Variants in CNTN1 observed in about 807,000 individuals in gnomAD.
The protein encoded by CNTN1 is contactin 1.
In CNTN1, 38 loss-of-function variants were observed where a neutral mutation model predicts 126.4. The ratio of observed to expected loss-of-function variants is 0.30; its 90% confidence interval spans 0.23 to 0.39. CNTN1 has a LOEUF of 0.39. CNTN1 is among the 10% of genes least tolerant of loss of function. The pLI, the probability that CNTN1 is intolerant of heterozygous loss-of-function variation, is 1.00. For synonymous variants in CNTN1, 413 were observed against 422.6 expected (o/e 0.98, Z 0.28); for missense variants, 1,009 against 1,248.4 (o/e 0.81, Z 2.89).
chr12:40,698,228 A>ATTTTTTTTTTTTTTTTTTT (rs35570862), intron 1 of CNTN1, among the ~76,000 whole-genome samples: 3 of 69,866 alleles, frequency 4.3e-5, no homozygotes, highest in African/African-American at 1.7e-4. Context: ...CAGCCACTTA[A>ATTTTTTTTTTTTTTTTTTT]TTTTTTTTTT....
intron 1 of CNTN1, among the ~76,000 whole-genome samples, chr12:40,822,543 C>T (rs187961829): frequency 6.6e-6 from 1 of 152,142 alleles, no homozygotes; most frequent in African/African-American, 2.4e-5. Context: ...TATGTTGATA[C>T]TTGTAGCTCT....
At chr12:40,873,969 G>A (rs868646337) in intron 1 of CNTN1, among the ~76,000 whole-genome samples, 7 of 152,182 alleles carry the variant, frequency 4.6e-5, no homozygotes, top group South Asian at 2.1e-4. Context: ...GGAGCACAGG[G>A]AGCTGACCTT....
intron 1 of CNTN1, among the ~76,000 whole-genome samples, chr12:40,763,975 G>A (rs1031165759): frequency 6.6e-6 from 1 of 152,242 alleles, no homozygotes; most frequent in East Asian, 1.9e-4. Context: ...TGTAGGAGAT[G>A]GGGGCGGAAA....
At chr12:40,875,372 C>G (rs1302409382) in intron 1 of CNTN1, among the ~76,000 whole-genome samples, 1 of 152,036 alleles carries the variant, frequency 6.6e-6, no homozygotes. Context: ...ATGATCCCTC[C>G]TGTTGCCCAT....
chr12:41,050,068 T>G (rs1311087395), intron 23 of CNTN1, among the ~76,000 whole-genome samples: 1 of 152,062 alleles, frequency 6.6e-6, no homozygotes, highest in Admixed American at 6.6e-5. Context: ...CCCAGCTAAT[T>G]TTTGTACTTT....
intron 15 of CNTN1, among the ~76,000 whole-genome samples, chr12:40,960,125 G>A (rs1474940089): frequency 6.6e-6 from 1 of 151,756 alleles, no homozygotes; most frequent in Non-Finnish European, 1.5e-5. Context: ...TATGAGCTCC[G>A]ATCTTCTGAA....
chr12:41,000,418 G>A (rs1948327056), intron 17 of CNTN1, among the ~76,000 whole-genome samples: 1 of 152,052 alleles, frequency 6.6e-6, no homozygotes, highest in South Asian at 2.1e-4. Flanking sequence ...CAGAATATGA[G>A]TTATAGGGGT....
intron 23 of CNTN1, among the ~76,000 whole-genome samples, chr12:41,061,121 C>T (rs544046761): frequency 6.6e-6 from 1 of 152,276 alleles, no homozygotes; most frequent in East Asian, 1.9e-4. Context: ...GTAAATGTCA[C>T]CTTGCATTTC....
At chr12:40,767,543 C>T (rs1466521282) in intron 1 of CNTN1, among the ~76,000 whole-genome samples, 1 of 151,970 alleles carries the variant, frequency 6.6e-6, no homozygotes, top group Non-Finnish European at 1.5e-5. Context: ...CTCCTGACCT[C>T]TTGATCCGCC....
intron 1 of CNTN1, among the ~76,000 whole-genome samples, chr12:40,797,333 A>G (rs2136476969): frequency 6.6e-6 from 1 of 152,208 alleles, no homozygotes; most frequent in East Asian, 1.9e-4. Context: ...ATGATCTGGG[A>G]GTTTTTCAGA....
intron 1 of CNTN1, among the ~76,000 whole-genome samples, chr12:40,868,553 C>T (rs1565858929): frequency 6.6e-6 from 1 of 152,118 alleles, no homozygotes; most frequent in Non-Finnish European, 1.5e-5. Flanking sequence ...TTCCTTTACT[C>T]TTCACTTCCA....
intron 4 of CNTN1, among the ~76,000 whole-genome samples, chr12:40,921,741 A>G (rs1253722635): frequency 1.3e-5 from 2 of 152,178 alleles, no homozygotes; most frequent in African/African-American, 4.8e-5. Context: ...TCATTTTCAA[A>G]TTGTGTGACT....
At chr12:41,030,231 G>T (rs970124315) in intron 23 of CNTN1, among the ~76,000 whole-genome samples, 1 of 151,664 alleles carries the variant, frequency 6.6e-6, no homozygotes, top group Non-Finnish European at 1.5e-5. Context: ...TTGATATAAA[G>T]AAATAAATAT....
At chr12:40,790,739 A>G (rs1476949105) in intron 1 of CNTN1, among the ~76,000 whole-genome samples, 2 of 152,110 alleles carry the variant, frequency 1.3e-5, no homozygotes, top group African/African-American at 4.8e-5. Flanking sequence ...AACACAAGAA[A>G]GGCTGCGATG....
intron 23 of CNTN1, among the ~76,000 whole-genome samples, chr12:41,035,169 C>T (rs932127309): frequency 6.6e-6 from 1 of 152,128 alleles, no homozygotes; most frequent in Admixed American, 6.5e-5. Flanking sequence ...TTATTTTGCT[C>T]ATTTAGTTAG....
At chr12:41,052,025 CCA>C (rs1023357204) in intron 23 of CNTN1, among the ~76,000 whole-genome samples, 2 of 151,512 alleles carry the variant, frequency 1.3e-5, no homozygotes, top group Admixed American at 6.6e-5. Context: ...GACTCACTCT[CCA>C]CACACACACA....
In CNTN1 at chr12:40,747,387, G is replaced by A. The variant is rs538841655; in HGVS notation, c.-77+54795G>A. On this transcript the variant is annotated intron_variant, in intron 1 of 23. Coordinates refer to ENST00000551295, the MANE Select transcript of CNTN1 (RefSeq NM_001843.4). ...GAAGGTATCTTCAGAGAAGCAAGCC[G>A]TGCAAAGACATGGGAGAAGAATTAT... 1.3e-4 allele frequency among the ~76,000 whole-genome samples: 19 copies of A among 151,678 alleles called. 1 individual carries two copies. Among genetic ancestry groups the A allele is most frequent in the South Asian group, 6.2e-4 (3 of 4,810 alleles).
chr12:40,882,013 T>G (rs527529043), intron 1 of CNTN1, among the ~76,000 whole-genome samples: 2 of 151,320 alleles, frequency 1.3e-5, no homozygotes, highest in Admixed American at 1.3e-4. Context: ...ATTGGTTTCT[T>G]TGGTGGGGAA....
chr12:40,991,637 G>T (rs1165759146), intron 16 of CNTN1, among the ~76,000 whole-genome samples: 2 of 152,152 alleles, frequency 1.3e-5, no homozygotes, highest in East Asian at 3.9e-4. Context: ...AGACCATCCT[G>T]GCTAACACGG....
Sources: gnomAD v4.1 joint callset for allele counts (sites outside exome capture counted in the v4.1 genomes callset) on GRCh38, gnomAD v4.1.1 for gene constraint, MANE v1.5 for transcripts, NCBI Gene and HGNC (gene_info 2026-07-23, HGNC 2026-07-21) for gene names.